The following ANKRD46 variants were observed in gnomAD, a reference collection of about 807,000 sequenced individuals.
ANKRD46 encodes the protein ankyrin repeat domain 46.
A neutral mutation model predicts 19.8 loss-of-function variants in ANKRD46; 13 were observed. The observed-to-expected ratio is 0.66, with a 90% CI of 0.43 to 1.04. The LOEUF (loss-of-function observed/expected upper bound fraction) is 1.04. Among genes scored for constraint, ANKRD46 ranks in the 50% least tolerant of loss-of-function variants. The pLI is 0.00. For missense variants in ANKRD46, 185 were observed against 274.8 expected, an observed-to-expected ratio of 0.67 and a Z score of 2.31; for synonymous variants, 91 against 106.9, an observed-to-expected ratio of 0.85 and a Z score of 0.92.
intron 1 of ANKRD46, among the ~76,000 whole-genome samples, chr8:100,542,327 A>G (rs1346119016): frequency 6.6e-6 from 1 of 152,176 alleles, no homozygotes; most frequent in African/African-American, 2.4e-5. Flanking sequence ...GATATACAAC[A>G]TAAGACAACT....
chr8:100,542,032 G>C (rs1468320848), intron 1 of ANKRD46, among the ~76,000 whole-genome samples: 1 of 152,074 alleles, frequency 6.6e-6, no homozygotes, highest in Non-Finnish European at 1.5e-5. Flanking sequence ...ATCTAATGGT[G>C]CATTTCTCAG....
chr8:100,557,619 T>C lies in ANKRD46; in HGVS notation c.-131+2092A>G, dbSNP rs1438040373. On this transcript the variant is annotated intron_variant, in intron 1 of 4. Coordinates refer to ENST00000335659, the MANE Select transcript of ANKRD46 (RefSeq NM_001270377.2). This position sits in a 1 kb window ranked among gnomAD's most constrained non-coding sequence, Gnocchi z 5.9. The stretch of plus-strand genomic sequence containing the variant: ...CACTCAGAGTAAAAGCAAAAGTCCT[T>C]ACCTGGGCCCATTAGCTCTCTGACC... Among the ~76,000 whole-genome samples the C allele has an allele frequency of 6.6e-6, 1 of 152,172 alleles. No individual in the cohort carries two copies. Among genetic ancestry groups the C allele is most frequent in the Non-Finnish European group, 1.5e-5 (1 of 68,022 alleles).
At chr8:100,554,153 G>C (rs897954691) in intron 1 of ANKRD46, among the ~76,000 whole-genome samples, 3 of 152,210 alleles carry the variant, frequency 2.0e-5, no homozygotes, top group Admixed American at 6.5e-5. Flanking sequence ...TCAAATTGGT[G>C]TATATCTCCT....
At position 100,510,391 on chromosome 8, in the gene ANKRD46, G is replaced by T; in HGVS notation, c.*186C>A. On this transcript the variant is annotated 3_prime_UTR_variant, in exon 6 of 6. Transcript: ENST00000520552. This position sits in a 1 kb window ranked among gnomAD's most constrained non-coding sequence, Gnocchi z 4.9. ...ACAGCAGGTGCCCGGGCTGCCTGCA[G>T]GGCAGGACTGGAGAGGAGGGGACAG... 2 of 481,476 alleles carry T rather than the reference G, an allele frequency of 4.2e-6. No individual in the cohort carries two copies. The highest frequency in any genetic ancestry group is 3.6e-6 in the Non-Finnish European group (1 of 280,684). 29.8% of individuals were successfully genotyped at this position (481,476 alleles called of 1,614,324 possible). A position where few individuals can be genotyped will look rare whatever the true frequency, so the allele number is the denominator to read the frequency against.
downstream of ANKRD46, among the ~76,000 whole-genome samples, chr8:100,515,802 C>T (rs370845341): frequency 2.2e-4 from 34 of 152,174 alleles, no homozygotes; most frequent in Middle Eastern, 3.4e-3. Flanking sequence ...CTTGGTCTCC[C>T]CAACCCTCTC....
At position 100,545,270 on chromosome 8, in the gene ANKRD46, A is replaced by G. The variant is rs1317726719; in HGVS notation, c.-130-11959T>C. 1.3e-5 allele frequency among the ~76,000 whole-genome samples: 2 copies of G among 152,144 alleles called. No homozygotes were observed. The highest frequency in any genetic ancestry group is 2.9e-5 in the Non-Finnish European group (2 of 68,012). On this transcript the variant is annotated intron_variant, in intron 1 of 4. Transcript: ENST00000335659. This position sits in a 1 kb window ranked among gnomAD's most constrained non-coding sequence, Gnocchi z 4.7. ...TTAATTTGGCTTTGTGTCCTCACTC[A>G]AATCTCATTTTAAATTGTAGTCCCC...
chr8:100,558,636 A>T (rs1812550158), intron 1 of ANKRD46, among the ~76,000 whole-genome samples: 1 of 152,200 alleles, frequency 6.6e-6, no homozygotes, highest in African/African-American at 2.4e-5. Context: ...AGCCTGAGAG[A>T]AATCAGTTCA....
chr8:100,547,603 C>A (rs1167946059), intron 1 of ANKRD46, among the ~76,000 whole-genome samples: 1 of 152,194 alleles, frequency 6.6e-6, no homozygotes, highest in East Asian at 1.9e-4. Flanking sequence ...GCCTGGGCAA[C>A]AGAGTAAGAC....
Position 100,527,957 on chromosome 8 carries a change from C to T in ANKRD46, c.358G>A (p.Val120Ile). The change falls in exon 4 of 5, where the codon GTA becomes ATA. Residue 120 changes from valine (V) to isoleucine (I), a missense_variant. Val to Ile is a conservative substitution (Grantham distance 29, BLOSUM62 3). Transcript: ENST00000335659. This position sits in a 1 kb window ranked among gnomAD's most constrained non-coding sequence, Gnocchi z 4.0. ...AGCAATCGGATGACATCTTTATTTA[C>T]TCCTCTGCGCTTTGCCAGAACTAAA... ...TPLVLAKRRG[V>I]NKDVIRLLES... is the part of the protein sequence containing the mutation. 6.2e-7 allele frequency: 1 copy of T among 1,609,788 alleles called. No individual in the cohort carries two copies. Among genetic ancestry groups the T allele is most frequent in the East Asian group, 2.2e-5 (1 of 44,764 alleles).
chr8:100,549,400 A>G (rs1156255811), intron 1 of ANKRD46, among the ~76,000 whole-genome samples: 3 of 152,238 alleles, frequency 2.0e-5, no homozygotes, highest in East Asian at 1.9e-4. Flanking sequence ...TAAATCAGGG[A>G]AAAAAGTGAA....
intron 1 of ANKRD46, among the ~76,000 whole-genome samples, chr8:100,542,997 T>C (rs1812202758): frequency 6.6e-6 from 1 of 152,188 alleles, no homozygotes; most frequent in African/African-American, 2.4e-5. Context: ...TCAGTTTACA[T>C]GTGTGTACTC....
At chr8:100,539,968 T>C (rs1373546057) in intron 1 of ANKRD46, among the ~76,000 whole-genome samples, 1 of 152,244 alleles carries the variant, frequency 6.6e-6, no homozygotes, top group East Asian at 1.9e-4. Flanking sequence ...TAGTAGATGT[T>C]CTTCTGGAAT....
chr8:100,510,547 G>A lies in ANKRD46; in HGVS notation c.*30C>T, dbSNP rs1230665632. ...TATCCCTTCTTTCTTGCCTTCTGAGGCTCAGGAGCACAGGACACTGACCTA... is the reference window on the plus strand; with the variant it reads ...TATCCCTTCTTTCTTGCCTTCTGAGACTCAGGAGCACAGGACACTGACCTA... On this transcript the variant is annotated 3_prime_UTR_variant, in exon 6 of 6. Transcript: ENST00000520552. This position sits in a 1 kb window ranked among gnomAD's most constrained non-coding sequence, Gnocchi z 4.9. 2 of 1,526,554 alleles carry A rather than the reference G, an allele frequency of 1.3e-6. No homozygotes were observed. The highest frequency in any genetic ancestry group is 1.4e-5 in the African/African-American group (1 of 72,640). The allele number at this position is 1,526,554 out of a possible 1,614,324, so 94.6% of individuals were successfully genotyped here.
rs1811912917 is a variant in ANKRD46 at position 100,529,515 on chromosome 8, G to T, written c.311+8C>A. On this transcript the variant is annotated splice_region_variant and intron_variant, in intron 3 of 4. Transcript: ENST00000335659. The surrounding 1 kb of genome is among the most constrained non-coding windows in gnomAD (Gnocchi z 5.8). ...ATGACTAGACTTCTAAAACAACAGA[G>T]AACTTACCAAATATCAATTTTGAGT... 6.2e-7 allele frequency: 1 copy of T among 1,606,926 alleles called. No individual in the cohort carries two copies. Among genetic ancestry groups the T allele is most frequent in the Admixed American group, 1.7e-5 (1 of 59,700 alleles).
rs899676814 is a variant in ANKRD46 at position 100,510,228 on chromosome 8, T to G, written c.*349A>C. The G allele has an allele frequency of 4.2e-6, 1 of 240,882 alleles. No individual in the cohort carries two copies. The highest frequency in any genetic ancestry group is 7.9e-6 in the Non-Finnish European group (1 of 125,838). 14.9% of individuals were successfully genotyped at this position (240,882 alleles called of 1,614,324 possible). A position where few individuals can be genotyped will look rare whatever the true frequency, so the allele number is the denominator to read the frequency against. On this transcript the variant is annotated 3_prime_UTR_variant, in exon 6 of 6. Coordinates refer to the ANKRD46 transcript ENST00000520552. This position sits in a 1 kb window ranked among gnomAD's most constrained non-coding sequence, Gnocchi z 4.9. ...CAGCATGACATCACCCGCCTGGGAGTTGTCATTTCAGACACCACGGCAGCC... is the reference window on the plus strand; with the variant it reads ...CAGCATGACATCACCCGCCTGGGAGGTGTCATTTCAGACACCACGGCAGCC...
chr8:100,513,720 C>T (rs1586773304), intron 5 of ANKRD46, among the ~76,000 whole-genome samples: 2 of 152,274 alleles, frequency 1.3e-5, no homozygotes, highest in South Asian at 4.1e-4. Flanking sequence ...AAGAGAATTA[C>T]CCAAACTTAA....
intron 1 of ANKRD46, among the ~76,000 whole-genome samples, chr8:100,540,909 T>G (rs866478747): frequency 6.6e-6 from 1 of 151,892 alleles, no homozygotes; most frequent in Non-Finnish European, 1.5e-5. Context: ...CATAATAAAG[T>G]TACTTGATTC....
intron 1 of ANKRD46, chr8:100,551,638 A>G (rs1812392989): frequency 1.4e-6 from 1 of 704,632 alleles, no homozygotes; most frequent in Admixed American, 1.8e-5. Flanking sequence ...CCACTTTACT[A>G]GAGTTAAAAG....
Position 100,521,104 on chromosome 8 carries a change from C to T in ANKRD46, c.*1451G>A. The T allele has an allele frequency of 1.0e-6, 1 of 985,032 alleles. No individual in the cohort carries two copies. The highest frequency in any genetic ancestry group is 1.2e-6 in the Non-Finnish European group (1 of 829,870). The allele number at this position is 985,032 out of a possible 1,614,324, so 61.0% of individuals were successfully genotyped here. ...AAGCTGATCCTGAAGCAGCCAGTTACTCAGGAATTTTACAACAGCTATTAA... is the reference window on the plus strand; with the variant it reads ...AAGCTGATCCTGAAGCAGCCAGTTATTCAGGAATTTTACAACAGCTATTAA... On this transcript the variant is annotated 3_prime_UTR_variant, in exon 5 of 5. Transcript: ENST00000335659.
Sources: gnomAD v4.1 joint callset for allele counts (sites outside exome capture counted in the v4.1 genomes callset) on GRCh38, gnomAD v4.1.1 for gene constraint, Gnocchi (gnomAD v3.1) non-coding constraint, MANE v1.5 for transcripts, NCBI Gene and HGNC (gene_info 2026-07-23, HGNC 2026-07-21) for gene names.